GPC5: variants seen among roughly 807,000 people sequenced by gnomAD.
GPC5 encodes the protein glypican-5.
A neutral mutation model predicts 53.9 loss-of-function variants in GPC5; 47 were observed. The ratio of observed to expected loss-of-function variants is 0.87; its 90% CI spans 0.69 to 1.11. GPC5 has a LOEUF of 1.11. Among genes scored for constraint, GPC5 ranks in the 50% most tolerant of loss-of-function variants. GPC5 has a pLI of 0.00. For missense variants in GPC5, 748 were observed against 713.1 expected (o/e 1.05, Z -0.56); for synonymous variants, 286 against 263.3 (o/e 1.09, Z -0.84).
chr13:92,073,543 T>C (rs1362664569), intron 6 of GPC5, among the ~76,000 whole-genome samples: 2 of 152,124 alleles, frequency 1.3e-5, no homozygotes, highest in Non-Finnish European at 2.9e-5. Flanking sequence ...GCAGTGTTCA[T>C]ATCTCACTGG....
At chr13:92,492,708 C>G (rs1879814089) in intron 7 of GPC5, among the ~76,000 whole-genome samples, 1 of 152,086 alleles carries the variant, frequency 6.6e-6, no homozygotes, top group African/African-American at 2.4e-5. Context: ...TGTTCTTCTT[C>G]CTTAGGAAAG....
chr13:92,773,955 C>T (rs931495060), intron 7 of GPC5, among the ~76,000 whole-genome samples: 11 of 152,162 alleles, frequency 7.2e-5, no homozygotes, highest in African/African-American at 2.7e-4. Flanking sequence ...TGGCAGCAGA[C>T]AAGAGAGCAT....
intron 2 of GPC5, among the ~76,000 whole-genome samples, chr13:91,525,560 C>T (rs960070695): frequency 1.3e-5 from 2 of 152,130 alleles, no homozygotes; most frequent in Admixed American, 6.5e-5. Context: ...TAATATACCA[C>T]CTCTTTCTGA....
intron 6 of GPC5, among the ~76,000 whole-genome samples, chr13:91,953,728 C>T (rs1378394035): frequency 6.6e-6 from 1 of 152,140 alleles, no homozygotes; most frequent in East Asian, 1.9e-4. Context: ...GGAAATGTTC[C>T]ATTTCTTGGT....
intron 2 of GPC5, among the ~76,000 whole-genome samples, chr13:91,565,731 A>G (rs1214368192): frequency 6.6e-6 from 1 of 152,236 alleles, no homozygotes; most frequent in Non-Finnish European, 1.5e-5. Flanking sequence ...GACTTTATTC[A>G]TTTCCTAGAA....
At chr13:91,686,112 A>G (rs754013281) in intron 2 of GPC5, among the ~76,000 whole-genome samples, 16 of 152,078 alleles carry the variant, frequency 1.1e-4, no homozygotes, top group Admixed American at 6.6e-4. Context: ...TCTTCACTCC[A>G]CAATAATTCA....
chr13:91,961,190 A>T (rs2040122318), intron 6 of GPC5, among the ~76,000 whole-genome samples: 1 of 152,014 alleles, frequency 6.6e-6, no homozygotes, highest in East Asian at 1.9e-4. Flanking sequence ...AACTGAAGTA[A>T]CTAAACAAGT....
At position 91,567,892 on chromosome 13, in the gene GPC5, A is replaced by C. The variant is rs76171084; in HGVS notation, c.325+118970A>C. Reference sequence around the variant, plus strand: ...GTAATCCCCGCATGTGGCGGAACAGACCTGTAATCCCCACTTGTGGAGGGA... The same window carrying C: ...GTAATCCCCGCATGTGGCGGAACAGCCCTGTAATCCCCACTTGTGGAGGGA... On this transcript the variant is annotated intron_variant, in intron 2 of 7. Coordinates refer to ENST00000377067, the MANE Select transcript of GPC5 (RefSeq NM_004466.6). 7.8e-3 allele frequency among the ~76,000 whole-genome samples: 1,192 copies of C among 152,272 alleles called. 16 individuals are homozygous for C. Among genetic ancestry groups the C allele is most frequent in the African/African-American group, 0.026 (1,086 of 41,570 alleles).
At chr13:92,116,493 G>T (rs1053090559) in intron 6 of GPC5, among the ~76,000 whole-genome samples, 2 of 152,172 alleles carry the variant, frequency 1.3e-5, no homozygotes, top group African/African-American at 4.8e-5. Context: ...CTAATATACC[G>T]TGTTTGTTTA....
chr13:92,586,054 G>C lies in GPC5; in HGVS notation c.1562-280228G>C, dbSNP rs112457225. 9.8e-5 allele frequency among the ~76,000 whole-genome samples: 15 copies of C among 152,318 alleles called. 1 individual carries two copies. The highest frequency in any genetic ancestry group is 3.4e-4 in the African/African-American group (14 of 41,564). On this transcript the variant is annotated intron_variant, in intron 7 of 7. Coordinates refer to ENST00000377067, the MANE Select transcript of GPC5 (RefSeq NM_004466.6). ...GTTTACAGAGCTTAGTTTATATGCT[G>C]ATGCTAATATTTGGTAATGGGTGCT...
chr13:91,454,815 A>T (rs1035824976), intron 2 of GPC5, among the ~76,000 whole-genome samples: 1 of 152,080 alleles, frequency 6.6e-6, no homozygotes, highest in African/African-American at 2.4e-5. Context: ...TTTTAAAATA[A>T]GATATTCAAT....
chr13:91,581,907 A>G (rs1328617825), intron 2 of GPC5, among the ~76,000 whole-genome samples: 1 of 152,202 alleles, frequency 6.6e-6, no homozygotes, highest in African/African-American at 2.4e-5. Context: ...AACATTTACA[A>G]ACATTTGCTT....
At chr13:92,319,375 ATT>A (rs577907211) in intron 7 of GPC5, among the ~76,000 whole-genome samples, 1 of 144,770 alleles carries the variant, frequency 6.9e-6, no homozygotes, top group South Asian at 2.2e-4. Context: ...GGGCCAATGT[ATT>A]TTTTTTTCCC....
In GPC5 at chr13:91,414,285, C is replaced by T. The variant is rs562227470; in HGVS notation, c.163+15076C>T. 1.2e-4 allele frequency among the ~76,000 whole-genome samples: 18 copies of T among 152,302 alleles called. 1 individual carries two copies. The South Asian group carries it at 2.7e-3, about 23-fold the overall frequency. ...TATAAGGGGCTTTTTCCCCTTTGCG[C>T]GGCATTTACTCTGTCCTGCCACCTT... On this transcript the variant is annotated intron_variant, in intron 1 of 7. Coordinates refer to ENST00000377067, the MANE Select transcript of GPC5 (RefSeq NM_004466.6).
At chr13:91,581,616 C>T (rs1301045415) in intron 2 of GPC5, among the ~76,000 whole-genome samples, 2 of 152,172 alleles carry the variant, frequency 1.3e-5, no homozygotes, top group Non-Finnish European at 2.9e-5. Context: ...TTATTTGCAA[C>T]ATCAATTTGC....
chr13:92,770,334 G>C (rs576888975), intron 7 of GPC5, among the ~76,000 whole-genome samples: 1 of 150,366 alleles, frequency 6.7e-6, no homozygotes, highest in South Asian at 2.1e-4. Context: ...GAACATTCTT[G>C]AGCCTGGGAG....
intron 7 of GPC5, among the ~76,000 whole-genome samples, chr13:92,520,202 A>C (rs927038188): frequency 3.9e-5 from 6 of 152,198 alleles, no homozygotes; most frequent in Admixed American, 1.3e-4. Context: ...CCAGAGGTAC[A>C]AGGAGGAGCT....
At chr13:92,842,590 A>G (rs1213094008) in intron 7 of GPC5, among the ~76,000 whole-genome samples, 1 of 152,096 alleles carries the variant, frequency 6.6e-6, no homozygotes, top group African/African-American at 2.4e-5. Flanking sequence ...CCCCAGAAAG[A>G]AAAGTAAGAT....
intron 5 of GPC5, among the ~76,000 whole-genome samples, chr13:91,775,451 T>A (rs1375941099): frequency 6.6e-6 from 1 of 152,178 alleles, no homozygotes; most frequent in Non-Finnish European, 1.5e-5. Flanking sequence ...TAGATGATTG[T>A]TATTTTAAAA....
Sources: gnomAD v4.1 joint callset for allele counts (sites outside exome capture counted in the v4.1 genomes callset) on GRCh38, gnomAD v4.1.1 for gene constraint, MANE v1.5 for transcripts, NCBI Gene and HGNC (gene_info 2026-07-23, HGNC 2026-07-21) for gene names.